SMG5: variants seen among roughly 807,000 people sequenced by gnomAD.
SMG5 encodes SMG5 nonsense mediated mRNA decay factor, also known as nonsense-mediated mRNA decay factor SMG5.
Under a neutral mutation model 122.9 loss-of-function variants are expected in SMG5, and 53 were observed. The observed-to-expected ratio is 0.43, with a 90% CI of 0.35 to 0.54. The LOEUF (loss-of-function observed/expected upper bound fraction) is 0.54, where lower values mean the gene tolerates loss of function less well. Ranked by LOEUF, SMG5 falls within the 20% of genes least tolerant of loss-of-function variation. The pLI is 0.01. For synonymous variants in SMG5, 477 were observed against 490.2 expected (o/e 0.97, Z 0.35); for missense variants, 1,153 against 1,285.6 (o/e 0.90, Z 1.58).
Position 156,277,258 on chromosome 1 carries a change from G to A in SMG5, c.298-17C>T, listed in dbSNP as rs1662724452. The A allele has an allele frequency of 1.2e-6, 2 of 1,609,554 alleles. No homozygotes were observed. Among genetic ancestry groups the A allele is most frequent in the Non-Finnish European group, 1.7e-6 (2 of 1,178,456 alleles). ...GTGGATGTGCTACAGATTGCGAAAG[G>A]GAAGGGGCTGGTTAAGCAATAAACT... On this transcript the variant is annotated splice_polypyrimidine_tract_variant and intron_variant, in intron 3 of 21. Transcript: ENST00000361813.
rs750230836 is a variant in SMG5, at chr1:156,268,284, A to G, written c.839+6T>C. 33 of 1,613,862 alleles carry G rather than the reference A, an allele frequency of 2.0e-5. No homozygotes were observed. The highest frequency in any genetic ancestry group is 2.5e-5 in the Non-Finnish European group (30 of 1,179,982). On this transcript the variant is annotated splice_donor_region_variant and intron_variant, in intron 8 of 21. Coordinates refer to ENST00000361813, the MANE Select transcript of SMG5 (RefSeq NM_015327.3). The stretch of plus-strand genomic sequence containing the variant: ...AAAACCCGTCCTCCTCACAGGCCCC[A>G]CTCACCGCTTTTTGCCAGGAGACAG...
Position 156,252,455 on chromosome 1 carries a change from A to G in SMG5, c.2712T>C (p.Asp904=). ...ACTCTGCCTCCAGGTACCGAATCCC[A>G]TCCCGGGCCCCTGGGTGTTCCTTCT... ...LLKKEHPGAR[D]GIRYLEAEFK... is the part of the protein sequence containing the mutation. The change falls in exon 19 of 22, where the codon GAT becomes GAC. Residue 904 remains aspartate, a synonymous_variant. Coordinates refer to ENST00000361813, the MANE Select transcript of SMG5 (RefSeq NM_015327.3). The G allele has an allele frequency of 6.2e-7, 1 of 1,613,916 alleles. No individual in the cohort carries two copies. The highest frequency in any genetic ancestry group is 1.1e-5 in the South Asian group (1 of 91,082).
At chr1:156,289,591 G>A in the SMG5 span, among the ~76,000 whole-genome samples, 5 of 152,162 alleles carry the variant, frequency 3.3e-5, no homozygotes, top group Non-Finnish European at 1.5e-5. Flanking sequence ...CAGCCTGGGC[G>A]ACAGAGCGAG....
At chr1:156,267,716 G>T (rs760032910) in intron 9 of SMG5, 38 bp from the exon 10 acceptor site, 97 of 1,539,620 alleles carry the variant, frequency 6.3e-5, no homozygotes, top group Non-Finnish European at 8.3e-5. Context: ...GGTCAGTGGT[G>T]GGGGCTGGGG....
chr1:156,282,548 G>T, intron 1 of SMG5, 59 bp downstream of exon 1: 1 of 1,211,852 alleles, frequency 8.3e-7, no homozygotes. Context: ...GGGAGGCCCC[G>T]CCCCTCGCCG....
chr1:156,260,491 T>G lies in SMG5; in HGVS notation c.2243A>C (p.Asn748Thr). The part of the protein sequence containing the change: ...PPLRAAHRRF[N>T]FDTDRPLLST... ...GAGCAGGGGCCGATCCGTGTCAAAG[T>G]TAAAGCGTCTGTGGGCAGCTCGGAG... is the stretch of plus-strand genomic sequence containing the variant. The change falls in exon 15 of 22, where the codon AAC becomes ACC. Residue 748 changes from asparagine (N) to threonine (T), a missense_variant. By Grantham distance (65) the Asn-to-Thr change is moderately conservative. Transcript: ENST00000361813. 1 of 1,592,628 alleles carries G rather than the reference T, an allele frequency of 6.3e-7. No individual in the cohort carries two copies. The highest frequency in any genetic ancestry group is 2.3e-5 in the East Asian group (1 of 42,610).
In SMG5 at chr1:156,259,173, G is replaced by T. The variant is rs1661704865; in HGVS notation, c.2284-10C>A. 1 of 1,558,828 alleles carries T rather than the reference G, an allele frequency of 6.4e-7. No homozygotes were observed. Among genetic ancestry groups the T allele is most frequent in the African/African-American group, 1.4e-5 (1 of 73,114 alleles). On this transcript the variant is annotated splice_polypyrimidine_tract_variant and intron_variant, in intron 15 of 21. Transcript: ENST00000361813. ...AGATGCGCACCACTGACTGTGGGGA[G>T]ATACAGGAGCCCAGCGCTGCTGAGC... is the stretch of plus-strand genomic sequence containing the variant.
Position 156,259,099 on chromosome 1 carries a change from A to G in SMG5, c.2348T>C (p.Ile783Thr). ...GCCAACCTCTGGGTTGAACTGCAGGATGCTGCCTTGCAGGCGGGCGATGAA... is the reference window on the plus strand; with the variant it reads ...GCCAACCTCTGGGTTGAACTGCAGGGTGCTGCCTTGCAGGCGGGCGATGAA... ...GHFIARLQGS[I>T]LQFNPEVGIF... The change falls in exon 16 of 22, where the codon ATC becomes ACC. Residue 783 changes from isoleucine (I) to threonine (T), a missense_variant. By Grantham distance (89) the Ile-to-Thr change is moderately conservative. This residue lies in a region of SMG5 where 140 missense variants were observed against 227.8 expected (regional missense o/e 0.61). Transcript: ENST00000361813. 1 of 1,611,358 alleles carries G rather than the reference A, an allele frequency of 6.2e-7. No homozygotes were observed.
chr1:156,265,887 C>T lies in SMG5; in HGVS notation c.1749G>A (p.Leu583=). 1 of 1,614,150 alleles carries T rather than the reference C, an allele frequency of 6.2e-7. No homozygotes were observed. The highest frequency in any genetic ancestry group is 8.5e-7 in the Non-Finnish European group (1 of 1,180,018). ...QMFQTKRCFR[L]APTFSNLLLQ... is the part of the protein sequence containing the mutation. ...GGAGCAGGTTGCTAAAGGTGGGGGCCAGTCGGAAGCAGCGCTTAGTCTGGA... is the reference window on the plus strand; with the variant it reads ...GGAGCAGGTTGCTAAAGGTGGGGGCTAGTCGGAAGCAGCGCTTAGTCTGGA... The change falls in exon 12 of 22, where the codon CTG becomes CTA. Residue 583 remains leucine (L), a synonymous_variant. Coordinates refer to ENST00000361813, the MANE Select transcript of SMG5 (RefSeq NM_015327.3).
chr1:156,262,314 A>G (rs1379698452), intron 13 of SMG5, among the ~76,000 whole-genome samples: 1 of 151,908 alleles, frequency 6.6e-6, no homozygotes, highest in Non-Finnish European at 1.5e-5. Context: ...CGCCGTCTCT[A>G]CTAAAAATAC....
intron 10 of SMG5, 32 bp downstream of exon 10, chr1:156,267,437 TG>T (rs774122368): frequency 1.9e-6 from 3 of 1,605,210 alleles, no homozygotes; most frequent in Non-Finnish European, 2.6e-6. Flanking sequence ...CCAAAGCCAG[TG>T]GAAGAGAAAA....
intron 4 of SMG5, among the ~76,000 whole-genome samples, chr1:156,275,180 A>G (rs1178278570): frequency 1.3e-5 from 2 of 151,838 alleles, no homozygotes; most frequent in African/African-American, 2.4e-5. Flanking sequence ...CAAAATTTAA[A>G]AAAGAAAAAA....
Position 156,277,992 on chromosome 1 carries a change from T to C in SMG5, c.230A>G (p.Lys77Arg). 1.9e-6 allele frequency: 3 copies of C among 1,614,124 alleles called. No individual in the cohort carries two copies. Among genetic ancestry groups the C allele is most frequent in the Non-Finnish European group, 2.5e-6 (3 of 1,179,992 alleles). Reference protein sequence around the residue: ...MFLHPVDYGRKAEELLWRKVY... With the variant: ...MFLHPVDYGRRAEELLWRKVY... ...CTTTCTCCACAGCAGCTCCTCAGCCTTTCTCCCATAGTCCACTGGGTGCAG... is the reference window on the plus strand; with the variant it reads ...CTTTCTCCACAGCAGCTCCTCAGCCCTTCTCCCATAGTCCACTGGGTGCAG... The change falls in exon 3 of 22, where the codon AAG (lysine) becomes AGG (arginine). Residue 77 changes from lysine to arginine, a missense_variant. Lys to Arg is a conservative substitution (Grantham distance 26, BLOSUM62 2). This residue lies in a region of SMG5 where 213 missense variants were observed against 197.5 expected (regional missense o/e 1.08). Transcript: ENST00000361813.
chr1:156,275,816 T>C, intron 4 of SMG5, among the ~76,000 whole-genome samples: 1 of 97,094 alleles, frequency 1.0e-5, no homozygotes, highest in South Asian at 3.2e-4. Context: ...AATGTGGTGG[T>C]TTTTTTTTTT....
chr1:156,285,469 C>T (rs777287900), upstream of SMG5: 4 of 1,613,946 alleles, frequency 2.5e-6, no homozygotes, highest in African/African-American at 5.3e-5. Flanking sequence ...GGGGGACTGG[C>T]CCTCAGCCCA....
At chr1:156,285,543 C>T (rs377257812), upstream of SMG5, 12 of 1,614,114 alleles carry the variant, frequency 7.4e-6, no homozygotes, top group Non-Finnish European at 9.3e-6. Flanking sequence ...GAGTCAGAAC[C>T]ACTTACCAAG....
chr1:156,288,042 G>A, the SMG5 span, among the ~76,000 whole-genome samples: 4 of 151,654 alleles, frequency 2.6e-5, no homozygotes, highest in East Asian at 2.0e-4. Flanking sequence ...GTGAAACCCC[G>A]TCTCTATTAA....
intron 1 of SMG5, among the ~76,000 whole-genome samples, chr1:156,280,742 G>C (rs894006030): frequency 1.3e-5 from 2 of 152,154 alleles, no homozygotes; most frequent in Non-Finnish European, 2.9e-5. Context: ...TTAAATATGA[G>C]AGGGCTCACC....
In SMG5 at chr1:156,268,317, G is replaced by A; in HGVS notation, c.812C>T (p.Thr271Ile). Residue 271 changes from threonine to isoleucine, a missense_variant, in exon 8 of 22, where the codon ACT (threonine) becomes ATT (isoleucine). By Grantham distance (89) the Thr-to-Ile change is moderately conservative. Around this residue, in one of 5 missense-constraint regions of SMG5, gnomAD observed 631 missense variants for 650.6 expected, o/e 0.97. Coordinates refer to ENST00000361813, the MANE Select transcript of SMG5 (RefSeq NM_015327.3). ...KMYHQLKKCE[T>I]RKLSPGKKRC... ...CTTTTTGCCAGGAGACAGTTTCCGA[G>A]TCTCACACTTCTTCAGTTGGTGGTA... is the stretch of plus-strand genomic sequence containing the variant. 6.2e-7 allele frequency: 1 copy of A among 1,614,162 alleles called. No homozygotes were observed. The highest frequency in any genetic ancestry group is 2.2e-5 in the East Asian group (1 of 44,886).
Sources: gnomAD v4.1 joint callset for allele counts (sites outside exome capture counted in the v4.1 genomes callset) on GRCh38, gnomAD v4.1.1 for gene constraint, gnomAD v4.1.1 regional missense constraint, MANE v1.5 for transcripts, NCBI Gene and HGNC (gene_info 2026-07-23, HGNC 2026-07-21) for gene names.